Variants in FNDC3A observed in about 807,000 individuals in gnomAD.
FNDC3A encodes the protein fibronectin type-III domain-containing protein 3A.
Under a neutral mutation model 148.9 loss-of-function variants are expected in FNDC3A, and 32 were observed. That is an observed-to-expected ratio of 0.21 (90% confidence interval 0.16 to 0.29). FNDC3A has a LOEUF of 0.29. Among genes scored for constraint, FNDC3A ranks in the 10% least tolerant of loss-of-function variants. The probability of loss-of-function intolerance (pLI) is 1.00; values close to 1 mark genes in which losing one functional copy is unlikely to be tolerated. For synonymous variants in FNDC3A, 472 were observed against 473.6 expected, an observed-to-expected ratio of 1.00 and a Z score of 0.04; for missense variants, 1,191 against 1,452.8, an observed-to-expected ratio of 0.82 and a Z score of 2.93.
intron 1 of FNDC3A, among the ~76,000 whole-genome samples, chr13:48,977,527 A>G (rs986228003): frequency 2.0e-5 from 3 of 152,234 alleles, no homozygotes; most frequent in African/African-American, 7.2e-5. Context: ...ACAAATGTTC[A>G]AGTGAGTTGA....
At chr13:49,119,897 C>G (rs901969886) in intron 4 of FNDC3A, among the ~76,000 whole-genome samples, 3 of 152,116 alleles carry the variant, frequency 2.0e-5, no homozygotes, top group Non-Finnish European at 2.9e-5. Context: ...GAATATGGAT[C>G]CAAGTTGGAA....
At chr13:49,011,516 G>C (rs1374425185) in intron 2 of FNDC3A, among the ~76,000 whole-genome samples, 6 of 152,170 alleles carry the variant, frequency 3.9e-5, no homozygotes, top group Admixed American at 6.5e-5. Context: ...TTACATGCGT[G>C]AGCCACCGGC....
intron 2 of FNDC3A, among the ~76,000 whole-genome samples, chr13:49,025,026 G>A (rs1418242847): frequency 6.6e-6 from 1 of 151,712 alleles, no homozygotes; most frequent in Non-Finnish European, 1.5e-5. Context: ...GCTTTTTTGT[G>A]CTTGCTCCAC....
At chr13:49,059,751 C>A (rs146098029) in intron 2 of FNDC3A, among the ~76,000 whole-genome samples, 1 of 152,222 alleles carries the variant, frequency 6.6e-6, no homozygotes, top group Non-Finnish European at 1.5e-5. Context: ...GCCATCACAC[C>A]TGGCCTATAG....
intron 3 of FNDC3A, among the ~76,000 whole-genome samples, chr13:49,084,816 G>T (rs761953730): frequency 1.3e-5 from 2 of 151,986 alleles, no homozygotes; most frequent in Non-Finnish European, 2.9e-5. Context: ...AGGAGTTATT[G>T]ATGTTTTCTC....
intron 1 of FNDC3A, among the ~76,000 whole-genome samples, chr13:48,990,039 C>T (rs935989471): frequency 9.9e-5 from 15 of 151,990 alleles, no homozygotes; most frequent in African/African-American, 3.4e-4. Flanking sequence ...CGTGAACCAC[C>T]GTGCCTGGCC....
At chr13:49,072,854 G>C (rs1340624985) in intron 2 of FNDC3A, among the ~76,000 whole-genome samples, 3 of 96,672 alleles carry the variant, frequency 3.1e-5, no homozygotes, top group African/African-American at 8.4e-5. Context: ...AGTTCTAAGA[G>C]TATTTTGGTG....
upstream of FNDC3A, chr13:48,975,438 A>G (rs546873789): frequency 1.9e-4 from 29 of 152,290 alleles, no homozygotes; most frequent in African/African-American, 6.7e-4. Flanking sequence ...CTGGGTTCGA[A>G]GTCTTTGGGA....
chr13:48,994,041 G>A (rs938382686), intron 1 of FNDC3A, among the ~76,000 whole-genome samples: 4 of 152,140 alleles, frequency 2.6e-5, no homozygotes, highest in African/African-American at 9.7e-5. Context: ...AATGGAAAGT[G>A]TAATCTTGCT....
intron 3 of FNDC3A, among the ~76,000 whole-genome samples, chr13:49,113,345 C>G (rs1880707597): frequency 2.0e-5 from 3 of 151,830 alleles, no homozygotes; most frequent in Non-Finnish European, 4.4e-5. Flanking sequence ...TCTTACACCC[C>G]CTTTCTTTTG....
chr13:49,055,981 G>A (rs528586179), intron 2 of FNDC3A, among the ~76,000 whole-genome samples: 5 of 151,950 alleles, frequency 3.3e-5, no homozygotes, highest in Admixed American at 6.6e-5. Flanking sequence ...GAGCCCAGAA[G>A]TTCAAGACCA....
At chr13:49,202,475 T>G (rs1184006986) in intron 24 of FNDC3A, among the ~76,000 whole-genome samples, 1 of 152,214 alleles carries the variant, frequency 6.6e-6, no homozygotes, top group Non-Finnish European at 1.5e-5. Flanking sequence ...GTTCTTATTT[T>G]AAAGTGACTC....
chr13:49,043,844 A>T (rs1372364494), intron 2 of FNDC3A, among the ~76,000 whole-genome samples: 3 of 152,172 alleles, frequency 2.0e-5, no homozygotes, highest in African/African-American at 7.2e-5. Flanking sequence ...CTCCTTCAGC[A>T]ACTCAAAAGA....
intron 2 of FNDC3A, among the ~76,000 whole-genome samples, chr13:49,070,773 T>A (rs1263430617): frequency 6.6e-6 from 1 of 151,898 alleles, no homozygotes; most frequent in Non-Finnish European, 1.5e-5. Flanking sequence ...CTTTTTCAGC[T>A]CCCACATGTG....
intron 16 of FNDC3A, 52 bp downstream of exon 16, chr13:49,187,242 A>G (rs754951657): frequency 1.8e-5 from 23 of 1,265,472 alleles, no homozygotes; most frequent in Non-Finnish European, 2.5e-5. Context: ...GTCTCTTTCT[A>G]TTCTTTATGG....
intron 3 of FNDC3A, among the ~76,000 whole-genome samples, chr13:49,091,637 G>A (rs1158834516): frequency 2.6e-5 from 4 of 152,208 alleles, no homozygotes; most frequent in Non-Finnish European, 1.5e-5. Context: ...GGTGATGCCT[G>A]CATATCATGC....
intron 10 of FNDC3A, 51 bp downstream of exon 10, chr13:49,168,802 C>A (rs775601694): frequency 2.0e-6 from 3 of 1,529,340 alleles, no homozygotes; most frequent in Non-Finnish European, 2.7e-6. Context: ...TTCTTTGTTT[C>A]CCCTGGTAGT....
chr13:49,037,094 A>G (rs888457587), intron 2 of FNDC3A, among the ~76,000 whole-genome samples: 4 of 152,210 alleles, frequency 2.6e-5, no homozygotes, highest in Admixed American at 1.3e-4. Context: ...TTCTAGGTAT[A>G]TTCTCTTTCA....
At chr13:49,072,418 G>C (rs919099498) in intron 2 of FNDC3A, among the ~76,000 whole-genome samples, 4 of 152,084 alleles carry the variant, frequency 2.6e-5, no homozygotes, top group African/African-American at 9.7e-5. Context: ...TAAGTGCATA[G>C]ATTTATTTCT....
Sources: gnomAD v4.1 joint callset for allele counts (sites outside exome capture counted in the v4.1 genomes callset) on GRCh38, gnomAD v4.1.1 for gene constraint, MANE v1.5 for transcripts, NCBI Gene and HGNC (gene_info 2026-07-23, HGNC 2026-07-21) for gene names.